SHTN1: variants seen among roughly 807,000 people sequenced by gnomAD.
The protein encoded by SHTN1 is shootin-1.
A neutral mutation model predicts 83.1 loss-of-function variants in SHTN1; 42 were observed. That is an observed-to-expected ratio of 0.51 (90% CI 0.39 to 0.65). The LOEUF (loss-of-function observed/expected upper bound fraction) is 0.65, where lower values mean the gene tolerates loss of function less well. Ranked by LOEUF, SHTN1 falls within the 30% of genes least tolerant of loss-of-function variation. SHTN1 has a pLI of 0.00. For synonymous variants in SHTN1, 224 were observed against 247.7 expected, an observed-to-expected ratio of 0.90 and a Z score of 0.90; for missense variants, 622 against 737.8, an observed-to-expected ratio of 0.84 and a Z score of 1.82.
Position 116,885,077 on chromosome 10 carries a change from C to G in SHTN1, c.*1267G>C, listed in dbSNP as rs1281089675. ...TCTCCAAATTTAGGAAGTACATGTA[C>G]CTGCCTACCCACCTCTTCAAGCCTA... On this transcript the variant is annotated 3_prime_UTR_variant, in exon 17 of 17. Transcript: ENST00000355371. 2.0e-5 allele frequency: 3 copies of G among 152,590 alleles called. No homozygotes were observed. Among genetic ancestry groups the G allele is most frequent in the Non-Finnish European group, 2.9e-5 (2 of 68,030 alleles). The allele number at this position is 152,590 out of a possible 1,614,324, so 9.5% of individuals were successfully genotyped here. A position where few individuals can be genotyped will look rare whatever the true frequency, so the allele number is the denominator to read the frequency against.
intron 7 of SHTN1, among the ~76,000 whole-genome samples, chr10:116,946,441 T>C (rs1055623179): frequency 2.7e-5 from 4 of 146,052 alleles, no homozygotes; most frequent in African/African-American, 4.9e-5. Context: ...TAAATAAATG[T>C]ATAAATTATG....
intron 2 of SHTN1, among the ~76,000 whole-genome samples, chr10:117,031,251 A>G (rs538652402): frequency 5.3e-5 from 8 of 152,340 alleles, no homozygotes; most frequent in Non-Finnish European, 1.2e-4. Flanking sequence ...TAGTATATCC[A>G]GTAAAAATAT....
At chr10:116,910,224 G>C (rs533069193) in intron 14 of SHTN1, among the ~76,000 whole-genome samples, 2 of 152,224 alleles carry the variant, frequency 1.3e-5, no homozygotes, top group East Asian at 1.9e-4. Context: ...CAGAGAGTAG[G>C]GGAGAGGATC....
At chr10:117,054,666 C>T (rs892452191) in intron 1 of SHTN1, among the ~76,000 whole-genome samples, 1 of 152,036 alleles carries the variant, frequency 6.6e-6, no homozygotes, top group Admixed American at 6.6e-5. Context: ...CTCGGCCTCC[C>T]AAAGTGCTGG....
At chr10:117,071,284 G>C (rs1853077893) in intron 1 of SHTN1, among the ~76,000 whole-genome samples, 1 of 152,120 alleles carries the variant, frequency 6.6e-6, no homozygotes, top group South Asian at 2.1e-4. Flanking sequence ...TCTATCTTCA[G>C]AATCTCCTGT....
intron 1 of SHTN1, among the ~76,000 whole-genome samples, chr10:117,052,590 T>C (rs897364269): frequency 6.6e-6 from 1 of 152,114 alleles, no homozygotes; most frequent in Non-Finnish European, 1.5e-5. Flanking sequence ...TATAGATCGA[T>C]GGAATAGAAT....
upstream of SHTN1, among the ~76,000 whole-genome samples, chr10:117,005,924 T>C (rs987569449): frequency 6.6e-6 from 1 of 152,126 alleles, no homozygotes; most frequent in Non-Finnish European, 1.5e-5. Context: ...ATGCCGAAGG[T>C]CACGCAGCCC....
At chr10:117,094,256 T>C (rs947921783) in intron 1 of SHTN1, among the ~76,000 whole-genome samples, 78 of 152,236 alleles carry the variant, frequency 5.1e-4, no homozygotes, top group African/African-American at 1.8e-3. Context: ...TGCCACACAG[T>C]ACAAACTGTG....
At chr10:116,921,672 T>C (rs762329465) in intron 11 of SHTN1, among the ~76,000 whole-genome samples, 156 bp from the exon 12 acceptor site, 1 of 152,194 alleles carries the variant, frequency 6.6e-6, no homozygotes, top group Non-Finnish European at 1.5e-5. Context: ...TTCATCACTT[T>C]ACAGAAGAGA....
At chr10:116,977,498 C>A (rs2133477152) in intron 2 of SHTN1, among the ~76,000 whole-genome samples, 1 of 152,298 alleles carries the variant, frequency 6.6e-6, no homozygotes, top group South Asian at 2.1e-4. Flanking sequence ...CCAGCCTAAG[C>A]ATTACCCACT....
At position 117,117,198 on chromosome 10, in the gene SHTN1, A is replaced by G. The variant is rs561753181; in HGVS notation, c.-189+9109T>C. Among the ~76,000 whole-genome samples, 113 of 152,282 alleles carry G rather than the reference A, an allele frequency of 7.4e-4. 2 individuals carry two copies. In the South Asian group the frequency reaches 0.022, roughly 30 times the overall value. ...AAAGAACTGCTAAGACTGATATACA[A>G]ATTCAATAAAGTCACAGAATACAAA... On this transcript the variant is annotated intron_variant, in intron 1 of 17. Transcript: ENST00000392901.
At chr10:117,070,642 C>T (rs1011356467) in intron 1 of SHTN1, among the ~76,000 whole-genome samples, 20 of 151,324 alleles carry the variant, frequency 1.3e-4, no homozygotes, top group Non-Finnish European at 8.8e-5. Flanking sequence ...AGAAGAAGCA[C>T]GCAGGGCTAC....
intron 1 of SHTN1, among the ~76,000 whole-genome samples, chr10:116,997,934 T>C (rs1223123880): frequency 6.6e-6 from 1 of 152,056 alleles, no homozygotes; most frequent in Non-Finnish European, 1.5e-5. Context: ...CTACTAAAAA[T>C]ACATAAAATT....
chr10:117,098,979 T>C (rs1221558001), intron 1 of SHTN1, among the ~76,000 whole-genome samples: 2 of 47,170 alleles, frequency 4.2e-5, no homozygotes, highest in Non-Finnish European at 4.5e-5. Context: ...ATCAAAAGTA[T>C]AATGTTCCAC....
chr10:117,081,027 T>A (rs1853253152), intron 1 of SHTN1, among the ~76,000 whole-genome samples: 1 of 152,104 alleles, frequency 6.6e-6, no homozygotes, highest in Admixed American at 6.5e-5. Context: ...ACCCGTTATT[T>A]CCTTCTCCCA....
At position 116,900,543 on chromosome 10, in the gene SHTN1, G is replaced by T. The variant is rs754239633; in HGVS notation, c.1673+1222C>A. On this transcript the variant is annotated intron_variant, in intron 16 of 16. Coordinates refer to ENST00000355371, the MANE Select transcript of SHTN1 (RefSeq NM_001127211.3). ...CAGTATTTTCTGATTCAGATTATCT[G>T]TGTAAAATGGTAAAGGAGAAAAATC... is the stretch of plus-strand genomic sequence containing the variant. The T allele has an allele frequency of 1.4e-5, 22 of 1,534,000 alleles. No homozygotes were observed. In the South Asian group the frequency reaches 1.7e-4, roughly 12 times the overall value.
At chr10:117,121,635 A>C (rs1853930142) in intron 1 of SHTN1, among the ~76,000 whole-genome samples, 1 of 152,134 alleles carries the variant, frequency 6.6e-6, no homozygotes, top group Non-Finnish European at 1.5e-5. Flanking sequence ...CCTCAGTATG[A>C]ATGGGGGTGG....
rs567770913 is a variant in SHTN1 at position 116,916,286 on chromosome 10, T to C, written c.1196-802A>G. 7.3e-4 allele frequency among the ~76,000 whole-genome samples: 111 copies of C among 152,342 alleles called. 2 individuals carry two copies. In the South Asian group the frequency reaches 0.022, roughly 30 times the overall value. Reference sequence around the variant, plus strand: ...ATTGATCAGAAAAGTGAAATGTCTCTCTTGTAGAATAGCTTGACCAAAATC... The same window carrying C: ...ATTGATCAGAAAAGTGAAATGTCTCCCTTGTAGAATAGCTTGACCAAAATC... On this transcript the variant is annotated intron_variant, in intron 12 of 16. Transcript: ENST00000355371.
intron 1 of SHTN1, among the ~76,000 whole-genome samples, chr10:117,122,860 T>G (rs983001064): frequency 2.0e-5 from 3 of 152,246 alleles, no homozygotes; most frequent in Non-Finnish European, 4.4e-5. Context: ...TTATTACATT[T>G]TTATACAAGG....
Sources: allele counts gnomAD v4.1 joint callset (sites outside exome capture counted in the v4.1 genomes callset), GRCh38; gene constraint gnomAD v4.1.1; transcripts MANE v1.5; gene names NCBI Gene and HGNC (gene_info 2026-07-23, HGNC 2026-07-21).